The following SNRNP40 variants were observed in gnomAD, a reference collection of about 807,000 sequenced individuals.
SNRNP40 encodes small nuclear ribonucleoprotein U5 subunit 40, also known as U5 small nuclear ribonucleoprotein 40 kDa protein.
Under a neutral mutation model 45.8 loss-of-function variants are expected in SNRNP40, and 21 were observed. The observed-to-expected ratio is 0.46, with a 90% CI of 0.32 to 0.66. SNRNP40 has a LOEUF of 0.66. Among genes scored for constraint, SNRNP40 ranks in the 30% least tolerant of loss-of-function variants. The probability of loss-of-function intolerance (pLI) is 0.03; values close to 1 mark genes in which losing one functional copy is unlikely to be tolerated. For synonymous variants in SNRNP40, 142 were observed against 163.8 expected, an observed-to-expected ratio of 0.87 and a Z score of 1.01; for missense variants, 344 against 439.1, an observed-to-expected ratio of 0.78 and a Z score of 1.94.
At chr1:31,276,701 T>A (rs1645977375) in intron 5 of SNRNP40, among the ~76,000 whole-genome samples, 1 of 151,782 alleles carries the variant, frequency 6.6e-6, no homozygotes, top group African/African-American at 2.4e-5. Flanking sequence ...GCCTGGGCAA[T>A]GTGTTGAGAA....
At position 31,281,111 on chromosome 1, in the gene SNRNP40, C is replaced by G. The variant is rs80192604; in HGVS notation, c.654+263G>C. On this transcript the variant is annotated intron_variant, in intron 5 of 9. Coordinates refer to ENST00000263694, the MANE Select transcript of SNRNP40 (RefSeq NM_004814.3). ...GAATGTCTTTAAAAGGAAATGCACT[C>G]TTTATTTTTTACATAGTCCCCCTAC... Among the ~76,000 whole-genome samples the G allele has an allele frequency of 2.0e-5, 3 of 152,282 alleles. No individual in the cohort carries two copies. In the East Asian group the frequency reaches 5.8e-4, roughly 29 times the overall value.
chr1:31,277,201 G>GA (rs1361500357), intron 5 of SNRNP40, among the ~76,000 whole-genome samples: 1 of 151,458 alleles, frequency 6.6e-6, no homozygotes, highest in East Asian at 1.9e-4. Flanking sequence ...CTTGAAAAAA[G>GA]AAAAAAAGCA....
intron 5 of SNRNP40, among the ~76,000 whole-genome samples, chr1:31,279,354 TTAATGATG>T (rs1645999529): frequency 6.6e-6 from 1 of 152,214 alleles, no homozygotes; most frequent in African/African-American, 2.4e-5. Context: ...CTTAAATGAA[TTAATGATG>T]TAAAGCTCTG....
At chr1:31,270,834 T>C (rs951912908) in intron 6 of SNRNP40, among the ~76,000 whole-genome samples, 28 of 152,180 alleles carry the variant, frequency 1.8e-4, no homozygotes, top group African/African-American at 6.3e-4. Flanking sequence ...GTCACCTTAC[T>C]TTTTTTCTGT....
chr1:31,272,836 G>A (rs945303378), intron 5 of SNRNP40, among the ~76,000 whole-genome samples: 1 of 152,136 alleles, frequency 6.6e-6, no homozygotes, highest in Non-Finnish European at 1.5e-5. Flanking sequence ...AACAGAAATA[G>A]TCTGGAAAGT....
In SNRNP40 at chr1:31,281,484, G is replaced by A. The variant is rs1646016198; in HGVS notation, c.544C>T (p.Arg182Trp). Residue 182 changes from arginine (R) to tryptophan (W), a missense_variant, in exon 5 of 10, where the codon CGG becomes TGG. By Grantham distance (101) the Arg-to-Trp change is moderately radical. Around this residue, in one of 2 missense-constraint regions of SNRNP40, gnomAD observed 254 missense variants for 380.2 expected, o/e 0.67. Coordinates refer to ENST00000263694, the MANE Select transcript of SNRNP40 (RefSeq NM_004814.3). ...AATGTCTGGATGGCTGCTTTCTTCC[G>A]GATGTCCCAAAGCTGAAGCAAAGGA... ...DDGTVKLWDI[R>W]KKAAIQTFQN... The A allele has an allele frequency of 5.0e-6, 8 of 1,605,214 alleles. No homozygotes were observed. The highest frequency in any genetic ancestry group is 6.0e-6 in the Non-Finnish European group (7 of 1,172,660).
At chr1:31,266,606 G>A (rs12034717) in intron 8 of SNRNP40, among the ~76,000 whole-genome samples, 2 of 152,318 alleles carry the variant, frequency 1.3e-5, no homozygotes, top group East Asian at 3.9e-4. Context: ...AGCCAGTTTA[G>A]ATTCGTATTT....
At chr1:31,287,667 G>C (rs1436809485) in intron 4 of SNRNP40, among the ~76,000 whole-genome samples, 2 of 152,098 alleles carry the variant, frequency 1.3e-5, no homozygotes, top group African/African-American at 2.4e-5. Context: ...CAACCATCAA[G>C]GGGCCCCAAG....
chr1:31,275,713 G>T (rs1411484876), intron 5 of SNRNP40, among the ~76,000 whole-genome samples: 1 of 152,006 alleles, frequency 6.6e-6, no homozygotes, highest in African/African-American at 2.4e-5. Context: ...TTTTAATAGG[G>T]AAAAGACTAC....
At chr1:31,272,804 G>A (rs1334008530) in intron 5 of SNRNP40, among the ~76,000 whole-genome samples, 1 of 152,158 alleles carries the variant, frequency 6.6e-6, no homozygotes, top group African/African-American at 2.4e-5. Flanking sequence ...CTACAGCTAT[G>A]TAAAATAAAT....
At chr1:31,279,361 T>G (rs1284741313) in intron 5 of SNRNP40, among the ~76,000 whole-genome samples, 1 of 152,204 alleles carries the variant, frequency 6.6e-6, no homozygotes, top group Non-Finnish European at 1.5e-5. Context: ...GAATTAATGA[T>G]GTAAAGCTCT....
At chr1:31,293,860 C>T (rs1646123336) in intron 1 of SNRNP40, among the ~76,000 whole-genome samples, 1 of 151,992 alleles carries the variant, frequency 6.6e-6, no homozygotes, top group Admixed American at 6.6e-5. Context: ...AATGAGCCAC[C>T]ACATTTGGCC....
At chr1:31,291,854 G>T in intron 3 of SNRNP40, 59 bp downstream of exon 3, 1 of 1,192,746 alleles carries the variant, frequency 8.4e-7, no homozygotes, top group Non-Finnish European at 1.2e-6. Flanking sequence ...AGGATGAAAG[G>T]TGAAAGGACG....
At chr1:31,284,725 A>G (rs1259002059) in intron 4 of SNRNP40, among the ~76,000 whole-genome samples, 1 of 152,242 alleles carries the variant, frequency 6.6e-6, no homozygotes, top group African/African-American at 2.4e-5. Context: ...GTAGTCAACA[A>G]GGAGAGTCTG....
intron 5 of SNRNP40, among the ~76,000 whole-genome samples, chr1:31,276,073 A>G (rs1270114606): frequency 6.6e-6 from 1 of 151,964 alleles, no homozygotes; most frequent in Admixed American, 6.5e-5. Flanking sequence ...TAAAAAAATG[A>G]TGATGATAAT....
At chr1:31,286,209 T>C (rs140663045) in intron 4 of SNRNP40, among the ~76,000 whole-genome samples, 15 of 152,320 alleles carry the variant, frequency 9.8e-5, no homozygotes, top group Non-Finnish European at 1.8e-4. Flanking sequence ...TTTTTTTCTA[T>C]ATGTTTCTAT....
chr1:31,269,377 T>C, intron 6 of SNRNP40, 137 bp from the exon 7 acceptor site: 2 of 1,472,454 alleles, frequency 1.4e-6, no homozygotes, highest in South Asian at 2.9e-5. Flanking sequence ...CAACTTGACA[T>C]ACTGCTACCT....
At chr1:31,264,243 G>C (rs530938911) in intron 8 of SNRNP40, among the ~76,000 whole-genome samples, 1 of 152,292 alleles carries the variant, frequency 6.6e-6, no homozygotes, top group Admixed American at 6.5e-5. Flanking sequence ...CATCAGCTAG[G>C]CTCCATAGAA....
intron 5 of SNRNP40, among the ~76,000 whole-genome samples, chr1:31,277,457 G>A (rs1645983657): frequency 6.6e-6 from 1 of 152,104 alleles, no homozygotes. Flanking sequence ...AAGTTGATTT[G>A]TTAAACATAT....
Sources: gnomAD v4.1 joint callset for allele counts (sites outside exome capture counted in the v4.1 genomes callset) on GRCh38, gnomAD v4.1.1 for gene constraint, gnomAD v4.1.1 regional missense constraint, MANE v1.5 for transcripts, NCBI Gene and HGNC (gene_info 2026-07-23, HGNC 2026-07-21) for gene names.